HOXC6: variants seen among roughly 807,000 people sequenced by gnomAD.
The protein encoded by HOXC6 is homeobox protein Hox-C6.
Under a neutral mutation model 24.0 loss-of-function variants are expected in HOXC6, and 10 were observed. The observed-to-expected ratio is 0.42, with a 90% confidence interval of 0.26 to 0.71. The LOEUF (loss-of-function observed/expected upper bound fraction) is 0.71, where lower values mean the gene tolerates loss of function less well. Among genes scored for constraint, HOXC6 ranks in the 30% least tolerant of loss-of-function variants. The pLI, the probability that HOXC6 is intolerant of heterozygous loss-of-function variation, is 0.28. For missense variants in HOXC6, 258 were observed against 303.4 expected, an observed-to-expected ratio of 0.85 and a Z score of 1.11; for synonymous variants, 123 against 128.1, an observed-to-expected ratio of 0.96 and a Z score of 0.27.
At chr12:54,026,093 T>C (rs930142167), upstream of HOXC6, among the ~76,000 whole-genome samples, 4 of 152,208 alleles carry the variant, frequency 2.6e-5, no homozygotes, top group Non-Finnish European at 5.9e-5. Flanking sequence ...TGACATGATT[T>C]ATCCCTCTAG....
chr12:54,027,646 T>C (rs1565740392), upstream of HOXC6, among the ~76,000 whole-genome samples: 1 of 150,458 alleles, frequency 6.6e-6, no homozygotes, highest in African/African-American at 2.4e-5. Context: ...TTGCATTTTT[T>C]ATACATTTTC....
upstream of HOXC6, among the ~76,000 whole-genome samples, chr12:54,024,449 CAG>C (rs1280608575): frequency 6.6e-6 from 1 of 152,154 alleles, no homozygotes; most frequent in Non-Finnish European, 1.5e-5. Flanking sequence ...AACATCCGCG[CAG>C]AGTTAGGGGA....
In HOXC6 at chr12:54,028,859, C is replaced by T; in HGVS notation, c.338C>T (p.Pro113Leu). The change falls in exon 1 of 2, where the codon CCC (proline) becomes CTC (leucine). Residue 113 changes from proline to leucine, a missense_variant. Physicochemically the swap from Pro to Leu is moderately conservative, Grantham distance 98 (BLOSUM62 -3). Transcript: ENST00000243108. ...DFSSEQGRTA[P>L]QDQKASIQIY... ...AGTTCTGAGCAGGGCAGGACTGCGCCCCAGGACCAGAAAGCCAGTATCCAG... is the reference window on the plus strand; with the variant it reads ...AGTTCTGAGCAGGGCAGGACTGCGCTCCAGGACCAGAAAGCCAGTATCCAG... The T allele has an allele frequency of 6.2e-7, 1 of 1,613,990 alleles. No individual in the cohort carries two copies. The highest frequency in any genetic ancestry group is 2.2e-5 in the East Asian group (1 of 44,890).
At chr12:54,028,994 G>C in intron 1 of HOXC6, 73 bp downstream of exon 1, 4 of 1,443,888 alleles carry the variant, frequency 2.8e-6, no homozygotes, top group Non-Finnish European at 3.7e-6. Context: ...CTAGAAGAAC[G>C]GGCGGAGAGA....
Position 54,029,773 on chromosome 12 carries a change from G to A in HOXC6, c.519G>A (p.Glu173=), listed in dbSNP as rs1940910245. The A allele has an allele frequency of 6.2e-7, 1 of 1,614,138 alleles. No individual in the cohort carries two copies. The highest frequency in any genetic ancestry group is 8.5e-7 in the Non-Finnish European group (1 of 1,180,032). Residue 173 remains glutamate (E), a synonymous_variant, in exon 2 of 2, where the codon GAG becomes GAA. Transcript: ENST00000243108. ...NRYLTRRRRI[E]IANALCLTER... ...ACCTAACGCGGCGCCGGCGCATCGA[G>A]ATCGCCAACGCGCTTTGCCTGACCG...
chr12:54,027,589 C>G (rs1246654478), upstream of HOXC6, among the ~76,000 whole-genome samples: 1 of 152,224 alleles, frequency 6.6e-6, no homozygotes, highest in Admixed American at 6.5e-5. Flanking sequence ...GTCTTTCCCC[C>G]TCCGGTGCCA....
intron 1 of HOXC6, chr12:54,021,185 CT>C (rs1037943945): frequency 6.6e-6 from 1 of 152,424 alleles, no homozygotes; most frequent in Admixed American, 6.5e-5. Context: ...GTTTCTCCCC[CT>C]GCTTGCCCCA....
chr12:54,029,592 G>C, intron 1 of HOXC6, 63 bp from the exon 2 acceptor site: 1 of 1,540,720 alleles, frequency 6.5e-7, no homozygotes, highest in South Asian at 1.2e-5. Flanking sequence ...TTTGCTAGGC[G>C]AAACAGTCTG....
chr12:54,026,959 A>G (rs1940737331), upstream of HOXC6, among the ~76,000 whole-genome samples: 1 of 88,912 alleles, frequency 1.1e-5, no homozygotes, highest in Non-Finnish European at 2.6e-5. Context: ...CCCACCCAAA[A>G]ATGGTGGGGG....
chr12:54,022,511 GTCTCTC>G (rs201270227), intron 1 of HOXC6: 1 of 151,138 alleles, frequency 6.6e-6, no homozygotes, highest in Non-Finnish European at 1.5e-5. Flanking sequence ...TCCCCTCCCA[GTCTCTC>G]TCTCTCTCTT....
At chr12:54,027,881 A>G (rs1283230914), upstream of HOXC6, among the ~76,000 whole-genome samples, 1 of 152,124 alleles carries the variant, frequency 6.6e-6, no homozygotes, top group African/African-American at 2.4e-5. Flanking sequence ...AACAGGTTTT[A>G]TGAAATTTCT....
intron 1 of HOXC6, chr12:54,021,718 G>A (rs550103951): frequency 4.3e-4 from 65 of 152,376 alleles, no homozygotes; most frequent in African/African-American, 1.5e-3. Flanking sequence ...CAGGCACTGG[G>A]GTGACATTAC....
chr12:54,028,796 T>C lies in HOXC6; in HGVS notation c.275T>C (p.Leu92Ser). 6.2e-7 allele frequency: 1 copy of C among 1,614,044 alleles called. No individual in the cohort carries two copies. The highest frequency in any genetic ancestry group is 8.5e-7 in the Non-Finnish European group (1 of 1,179,990). Residue 92 changes from leucine to serine, a missense_variant, in exon 1 of 2, where the codon TTA becomes TCA. Coordinates refer to ENST00000243108, the MANE Select transcript of HOXC6 (RefSeq NM_004503.4). Reference sequence around the variant, plus strand: ...CTCTCAAACTGCAGACAAAACACCTTAGGACATAACACACAGACCTCAATC... The same window carrying C: ...CTCTCAAACTGCAGACAAAACACCTCAGGACATAACACACAGACCTCAATC... ...DMLSNCRQNT[L>S]GHNTQTSIAQ...
In HOXC6 at chr12:54,029,974, C is replaced by A; in HGVS notation, c.*12C>A. The A allele has an allele frequency of 6.6e-7, 1 of 1,522,384 alleles. No homozygotes were observed. The highest frequency in any genetic ancestry group is 2.3e-5 in the East Asian group (1 of 43,350). The allele number at this position is 1,522,384 out of a possible 1,614,324, so 94.3% of individuals were successfully genotyped here. A position where few individuals can be genotyped will look rare whatever the true frequency, so the allele number is the denominator to read the frequency against. On this transcript the variant is annotated 3_prime_UTR_variant, in exon 2 of 2. Transcript: ENST00000243108. ...AGCAGAAAGAGTGACCAGGACTGTC[C>A]CTGCCACCCCTCTCTCCCTTTCTCC...
chr12:54,021,758 G>A (rs772157611), intron 1 of HOXC6: 6 of 152,448 alleles, frequency 3.9e-5, no homozygotes, highest in East Asian at 3.9e-4. Context: ...CCCAGCCCAC[G>A]GCCTCTGCCA....
intron 1 of HOXC6, among the ~76,000 whole-genome samples, chr12:54,023,245 T>C (rs1007580139): frequency 2.0e-5 from 3 of 152,230 alleles, no homozygotes; most frequent in Non-Finnish European, 4.4e-5. Flanking sequence ...GGCTCAGGGC[T>C]GAGCGTGATG....
rs772945356 is a variant in HOXC6 at position 54,028,938 on chromosome 12, C to T, written c.400+17C>T. The T allele has an allele frequency of 8.8e-6, 14 of 1,588,332 alleles. No homozygotes were observed. The highest frequency in any genetic ancestry group is 3.5e-5 in the Admixed American group (2 of 56,808). On this transcript the variant is annotated intron_variant, in intron 1 of 1. Coordinates refer to ENST00000243108, the MANE Select transcript of HOXC6 (RefSeq NM_004503.4). ...CGCACAGTGGTGAGTTTTACAGCTC[C>T]GAGATATAAATTAAATAAACTGAAC...
In HOXC6 at chr12:54,028,932, C is replaced by T. The variant is rs200862396; in HGVS notation, c.400+11C>T. 2 of 1,598,964 alleles carry T rather than the reference C, an allele frequency of 1.3e-6. No homozygotes were observed. Among genetic ancestry groups the T allele is most frequent in the East Asian group, 2.2e-5 (1 of 44,740 alleles). Reference sequence around the variant, plus strand: ...TGAATTCGCACAGTGGTGAGTTTTACAGCTCCGAGATATAAATTAAATAAA... The same window carrying T: ...TGAATTCGCACAGTGGTGAGTTTTATAGCTCCGAGATATAAATTAAATAAA... On this transcript the variant is annotated intron_variant, in intron 1 of 1. Transcript: ENST00000243108.
At chr12:54,028,322 G>A (rs538405644), upstream of HOXC6, 1 of 541,786 alleles carries the variant, frequency 1.8e-6, no homozygotes, top group Admixed American at 3.3e-5. Flanking sequence ...GTCTCAACTA[G>A]GGAATCAACA....
Sources: allele counts gnomAD v4.1 joint callset (sites outside exome capture counted in the v4.1 genomes callset), GRCh38; gene constraint gnomAD v4.1.1; transcripts MANE v1.5; gene names NCBI Gene and HGNC (gene_info 2026-07-23, HGNC 2026-07-21).